The following EFCAB6 variants were observed in gnomAD, a reference collection of about 807,000 sequenced individuals.
EFCAB6 encodes the protein EF-hand calcium binding domain 6.
Under a neutral mutation model 169.8 loss-of-function variants are expected in EFCAB6, and 156 were observed. The ratio of observed to expected loss-of-function variants is 0.92; its 90% CI spans 0.81 to 1.05. The LOEUF is 1.05. Ranked by LOEUF, EFCAB6 falls within the 50% of genes least tolerant of loss-of-function variation. The probability of loss-of-function intolerance (pLI) is 0.00; values close to 1 mark genes in which losing one functional copy is unlikely to be tolerated. For missense variants in EFCAB6, 1,800 were observed against 1,829.1 expected, an observed-to-expected ratio of 0.98 and a Z score of 0.29; for synonymous variants, 698 against 676.4, an observed-to-expected ratio of 1.03 and a Z score of -0.50.
intron 12 of EFCAB6, among the ~76,000 whole-genome samples, chr22:43,683,511 T>C (rs1011756320): frequency 6.6e-6 from 1 of 152,188 alleles, no homozygotes; most frequent in Non-Finnish European, 1.5e-5. Context: ...CTGGCACCTA[T>C]GTTACTGTAT....
rs2047422459 is a variant in EFCAB6, at chr22:43,537,003, TG to T, written c.4048+373del. 5.7e-6 allele frequency: 1 copy of T among 174,616 alleles called. No homozygotes were observed. Among genetic ancestry groups the T allele is most frequent in the African/African-American group, 2.4e-5 (1 of 42,432 alleles). The allele number at this position is 174,616 out of a possible 1,614,324, so 10.8% of individuals were successfully genotyped here. A position where few individuals can be genotyped will look rare whatever the true frequency, so the allele number is the denominator to read the frequency against. On this transcript the variant is annotated intron_variant, in intron 29 of 31. Transcript: ENST00000262726. This position sits in a 1 kb window ranked among gnomAD's most constrained non-coding sequence, Gnocchi z 4.3. ...AACAACATCAAAGAGTGAATGTTGA[TG>T]GGAATGGAGCCCCAGGAGTGTCCCC...
intron 17 of EFCAB6, among the ~76,000 whole-genome samples, chr22:43,662,363 G>A (rs1467283977): frequency 6.6e-6 from 1 of 151,998 alleles, no homozygotes; most frequent in African/African-American, 2.4e-5. Flanking sequence ...GGGGTAGGCA[G>A]CCACCCTCTG....
At chr22:43,602,151 T>A in intron 22 of EFCAB6, among the ~76,000 whole-genome samples, 1 of 152,166 alleles carries the variant, frequency 6.6e-6, no homozygotes, top group East Asian at 1.9e-4. Context: ...AGACATGAGG[T>A]CTCAGGACAG....
chr22:43,659,659 C>CAA (rs533431138), intron 17 of EFCAB6, among the ~76,000 whole-genome samples: 20 of 144,312 alleles, frequency 1.4e-4, no homozygotes, highest in African/African-American at 4.9e-4. Context: ...TACCCTATCT[C>CAA]AAAAAAAAAA....
At chr22:43,788,141 T>C (rs2062147779) in intron 2 of EFCAB6, among the ~76,000 whole-genome samples, 1 of 152,168 alleles carries the variant, frequency 6.6e-6, no homozygotes, top group Non-Finnish European at 1.5e-5. Context: ...GAAGAAAGCA[T>C]AGGTATAAAT....
At chr22:43,573,467 T>A (rs2050025506) in intron 26 of EFCAB6, among the ~76,000 whole-genome samples, 1 of 96 alleles carries the variant, frequency 0.01, no homozygotes, top group Non-Finnish European at 0.019. Flanking sequence ...GCACGGTGGC[T>A]TATGCTGTAA....
intron 10 of EFCAB6, 104 bp downstream of exon 10, chr22:43,711,371 T>G: frequency 8.2e-7 from 1 of 1,217,984 alleles, no homozygotes; most frequent in African/African-American, 1.6e-5. Context: ...AAATTTTCAG[T>G]AATAAAAAGT....
At chr22:43,730,834 C>T in intron 8 of EFCAB6, among the ~76,000 whole-genome samples, 1 of 152,186 alleles carries the variant, frequency 6.6e-6, no homozygotes, top group East Asian at 1.9e-4. Context: ...CTGGAGTCTG[C>T]TCTAAGCAAG....
intron 2 of EFCAB6, among the ~76,000 whole-genome samples, chr22:43,794,729 G>A (rs188133722): frequency 3.3e-5 from 5 of 152,210 alleles, no homozygotes; most frequent in African/African-American, 7.2e-5. Context: ...TCCAGCATTC[G>A]TGCCACCAAC....
chr22:43,721,820 A>G (rs2059538241), intron 8 of EFCAB6, among the ~76,000 whole-genome samples: 1 of 152,190 alleles, frequency 6.6e-6, no homozygotes, highest in Admixed American at 6.5e-5. Flanking sequence ...TATCCTTCTC[A>G]ACATCAGCCT....
At chr22:43,662,823 G>A (rs756268935) in intron 17 of EFCAB6, among the ~76,000 whole-genome samples, 6 of 152,178 alleles carry the variant, frequency 3.9e-5, no homozygotes, top group Admixed American at 1.3e-4. Context: ...CATGCAGCAA[G>A]CCTGCGGTAC....
chr22:43,625,855 G>T lies in EFCAB6; in HGVS notation c.2465+592C>A, dbSNP rs1315673070. On this transcript the variant is annotated intron_variant, in intron 20 of 31. Coordinates refer to ENST00000262726, the MANE Select transcript of EFCAB6 (RefSeq NM_022785.4). ...AGTTCCCGAAGAAGAAGGTTACTGT[G>T]TTCACTTGACAAAGATTTATCTGCA... is the stretch of plus-strand genomic sequence containing the variant. 4.6e-5 allele frequency among the ~76,000 whole-genome samples: 7 copies of T among 152,266 alleles called. No individual in the cohort carries two copies. In the East Asian group the frequency reaches 1.3e-3, roughly 29 times the overall value.
intron 27 of EFCAB6, chr22:43,551,850 CAG>C (rs1602209268): frequency 7.0e-6 from 1 of 143,698 alleles, no homozygotes; most frequent in Non-Finnish European, 1.5e-5. Context: ...TTTTTTGAGA[CAG>C]AGTCTTGCTC....
At chr22:43,586,957 A>G (rs2051117300) in intron 24 of EFCAB6, among the ~76,000 whole-genome samples, 2 of 152,200 alleles carry the variant, frequency 1.3e-5, no homozygotes, top group East Asian at 1.9e-4. Flanking sequence ...TGGAGCATCT[A>G]TGGATAATGG....
intron 2 of EFCAB6, among the ~76,000 whole-genome samples, chr22:43,789,268 T>C (rs937382991): frequency 3.3e-5 from 5 of 152,096 alleles, no homozygotes; most frequent in South Asian, 2.1e-4. Flanking sequence ...GTGAATTTTA[T>C]GGTATATGAA....
intron 9 of EFCAB6, among the ~76,000 whole-genome samples, chr22:43,714,683 T>C (rs2059272048): frequency 6.6e-6 from 1 of 152,066 alleles, no homozygotes; most frequent in Admixed American, 6.5e-5. Flanking sequence ...AAAGAAAGCA[T>C]GATGGACGGA....
At position 43,540,529 on chromosome 22, in the gene EFCAB6, G is replaced by A. The variant is rs928690638; in HGVS notation, c.3649-172C>T. 1.0e-5 allele frequency: 16 copies of A among 1,530,218 alleles called. No individual in the cohort carries two copies. In the African/African-American group the frequency reaches 2.1e-4, roughly 20 times the overall value. 94.8% of individuals were successfully genotyped at this position (1,530,218 alleles called of 1,614,324 possible). ...GCCCATTTGGCCTTCGCTCGGCGGAGGCCTCAGGAAGACTCTGGAAAAGCA... is the reference window on the plus strand; with the variant it reads ...GCCCATTTGGCCTTCGCTCGGCGGAAGCCTCAGGAAGACTCTGGAAAAGCA... On this transcript the variant is annotated intron_variant, in intron 27 of 31. Transcript: ENST00000262726.
At chr22:43,573,724 T>C (rs563502836) in intron 26 of EFCAB6, among the ~76,000 whole-genome samples, 82 of 127,336 alleles carry the variant, frequency 6.4e-4, no homozygotes, top group African/African-American at 2.6e-3. Context: ...AGAGTGAGTC[T>C]GTCTCAACAA....
At chr22:43,719,951 A>G (rs920168183) in intron 8 of EFCAB6, among the ~76,000 whole-genome samples, 2 of 152,212 alleles carry the variant, frequency 1.3e-5, no homozygotes, top group African/African-American at 4.8e-5. Flanking sequence ...CAGGTATAAA[A>G]CGTTGTATTA....
Sources: gnomAD v4.1 joint callset for allele counts (sites outside exome capture counted in the v4.1 genomes callset) on GRCh38, gnomAD v4.1.1 for gene constraint, Gnocchi (gnomAD v3.1) non-coding constraint, MANE v1.5 for transcripts, NCBI Gene and HGNC (gene_info 2026-07-23, HGNC 2026-07-21) for gene names.